The following CUX1 variants were observed in gnomAD, a reference collection of about 807,000 sequenced individuals.
CUX1 encodes protein CASP.
CUX1 carries 31 observed loss-of-function variants against 158.8 expected under a neutral mutation model. That is an observed-to-expected ratio of 0.20 (90% CI 0.15 to 0.26). The LOEUF (loss-of-function observed/expected upper bound fraction) is 0.26. Ranked by LOEUF, CUX1 falls within the 10% of genes least tolerant of loss-of-function variation. The pLI is 1.00. For synonymous variants in CUX1, 879 were observed against 862.1 expected (o/e 1.02, Z -0.34); for missense variants, 1,589 against 2,014.6 (o/e 0.79, Z 4.04).
intron 3 of CUX1, among the ~76,000 whole-genome samples, chr7:102,042,140 G>A (rs572092169): frequency 6.6e-6 from 1 of 152,206 alleles, no homozygotes; most frequent in African/African-American, 2.4e-5. Flanking sequence ...AGCATCATGG[G>A]TGAAATAGGA....
intron 8 of CUX1, chr7:102,125,857 C>G (rs1310954211): frequency 6.6e-6 from 1 of 151,678 alleles, no homozygotes; most frequent in Non-Finnish European, 1.5e-5. Flanking sequence ...GAGACAAGGT[C>G]TCACTCTATC....
chr7:102,081,644 G>GT (rs1338372069), intron 4 of CUX1, among the ~76,000 whole-genome samples: 12 of 145,614 alleles, frequency 8.2e-5, no homozygotes, highest in East Asian at 3.9e-4. Flanking sequence ...TTTCTTTTTT[G>GT]TTTTTTTTGA....
chr7:102,077,139 A>C (rs1347919567), intron 4 of CUX1, among the ~76,000 whole-genome samples: 6 of 151,964 alleles, frequency 3.9e-5, no homozygotes, highest in African/African-American at 1.5e-4. Context: ...GAGAGTATAG[A>C]ATAAGGTGAA....
Position 102,170,568 on chromosome 7 carries a change from C to T in CUX1, c.828+18C>T, listed in dbSNP as rs782104371. ...CAGACGTGGTGGGTAGCCCCGGCCC[C>T]GTGGGGGACTGTCCCCGCCTGGCCT... On this transcript the variant is annotated intron_variant, in intron 10 of 23. Transcript: ENST00000292535. 1.4e-5 allele frequency: 21 copies of T among 1,545,262 alleles called. No homozygotes were observed. The highest frequency in any genetic ancestry group is 1.8e-5 in the Non-Finnish European group (21 of 1,138,078).
rs1220193868 is a variant in CUX1 at position 102,254,076 on chromosome 7, C to G, written c.*5034C>G. ...TGCCTGGTGGGCCGGCTTTGTGTGT[C>G]TCTCCTTTTGTGAGCGCAACACGGA... On this transcript the variant is annotated 3_prime_UTR_variant, in exon 24 of 24. Transcript: ENST00000292535. 9.1e-6 allele frequency: 9 copies of G among 985,488 alleles called. No individual in the cohort carries two copies. Among genetic ancestry groups the G allele is most frequent in the Non-Finnish European group, 1.1e-5 (9 of 829,974 alleles). 61.0% of individuals were successfully genotyped at this position (985,488 alleles called of 1,614,324 possible). A position where few individuals can be genotyped will look rare whatever the true frequency, so the allele number is the denominator to read the frequency against.
rs537026520 is a variant in CUX1 at position 102,028,612 on chromosome 7, C to T, written c.189+467C>T. Among the ~76,000 whole-genome samples the T allele has an allele frequency of 9.8e-5, 15 of 152,286 alleles. No homozygotes were observed. The South Asian group carries it at 1.0e-3, about 11-fold the overall frequency. On this transcript the variant is annotated intron_variant, in intron 3 of 23. Coordinates refer to ENST00000292535, the MANE Select transcript of CUX1 (RefSeq NM_181552.4). ...AACACAGAGCATCTAGCAGAAGCCA[C>T]GAGGAGCAAGCCTAGGCTCAGTAGA...
intron 3 of CUX1, among the ~76,000 whole-genome samples, chr7:102,032,359 C>G (rs1001611017): frequency 6.6e-6 from 1 of 151,882 alleles, no homozygotes; most frequent in African/African-American, 2.4e-5. Context: ...CCCAGGAGAT[C>G]GAGACCAGCC....
At chr7:101,914,293 G>A (rs528367463) in intron 1 of CUX1, among the ~76,000 whole-genome samples, 15 of 151,496 alleles carry the variant, frequency 9.9e-5, no homozygotes, top group African/African-American at 2.2e-4. Context: ...TTTTATTGTC[G>A]TTGTTGTTTT....
chr7:102,071,659 T>C (rs745803287), intron 4 of CUX1, among the ~76,000 whole-genome samples: 6 of 152,196 alleles, frequency 3.9e-5, no homozygotes, highest in Non-Finnish European at 8.8e-5. Context: ...TCAGGTCTCC[T>C]TTGTACCTGT....
chr7:102,196,701 T>C lies in CUX1; in HGVS notation c.1290T>C (p.Pro430=), dbSNP rs782593141. Residue 430 remains proline (P), a synonymous_variant, in exon 15 of 24, where the codon CCT becomes CCC. Transcript: ENST00000292535. ...SRRPGSLPAP[P]PSQLPRNPGE... is the part of the protein sequence containing the mutation. ...GCCCGGGATCTTTGCCGGCCCCCCC[T>C]CCTTCTCAGTTGCCCCGCAACCCGG... The C allele has an allele frequency of 1.2e-6, 2 of 1,608,148 alleles. No individual in the cohort carries two copies. The highest frequency in any genetic ancestry group is 1.7e-5 in the Admixed American group (1 of 59,354).
chr7:101,947,115 G>A (rs1402071650), intron 2 of CUX1, among the ~76,000 whole-genome samples: 3 of 152,160 alleles, frequency 2.0e-5, no homozygotes, highest in African/African-American at 2.4e-5. Flanking sequence ...ATGGCCAGGC[G>A]TGGTGGCTCA....
chr7:101,917,225 A>G (rs1403324012), intron 2 of CUX1, among the ~76,000 whole-genome samples: 3 of 152,232 alleles, frequency 2.0e-5, no homozygotes, highest in East Asian at 1.9e-4. Context: ...CTGGGAAATT[A>G]TATGTGAATT....
In CUX1 at chr7:101,870,144, G is replaced by GTTT. The variant is rs112866816; in HGVS notation, c.31-45965_31-45963dup. 6.6e-4 allele frequency among the ~76,000 whole-genome samples: 73 copies of GTTT among 111,206 alleles called. 4 individuals carry two copies. The highest frequency in any genetic ancestry group is 1.7e-3 in the African/African-American group (47 of 26,878). The allele number at this position is 111,206 out of a possible 152,430, so 73.0% of individuals were successfully genotyped here. ...GGCCATGCAGGCCCTGATGTTTAGT[G>GTTT]TTTTTTTTGTTTTTTTTTTTTTTTT... On this transcript the variant is annotated intron_variant, in intron 1 of 23. Coordinates refer to ENST00000292535, the MANE Select transcript of CUX1 (RefSeq NM_181552.4).
rs782816778 is a variant in CUX1, at chr7:102,115,254, G to A, written c.655G>A (p.Asp219Asn). 7.5e-6 allele frequency: 12 copies of A among 1,610,100 alleles called. No homozygotes were observed. Among genetic ancestry groups the A allele is most frequent in the East Asian group, 2.2e-5 (1 of 44,848 alleles). ...ATTATTTGACCTGAAAACCAAATAC[G>A]ATGAAGAAACTACTGCAAAGTAAGT... ...TELFDLKTKY[D>N]EETTAKADEI... Residue 219 changes from aspartate (D) to asparagine (N), a missense_variant, in exon 8 of 24, where the codon GAT becomes AAT. Around this residue, in one of 8 missense-constraint regions of CUX1, gnomAD observed 515 missense variants for 574.4 expected, o/e 0.90. Coordinates refer to ENST00000292535, the MANE Select transcript of CUX1 (RefSeq NM_181552.4).
chr7:101,910,222 C>T (rs553750659), intron 1 of CUX1, among the ~76,000 whole-genome samples: 17 of 152,256 alleles, frequency 1.1e-4, no homozygotes, highest in African/African-American at 3.1e-4. Flanking sequence ...TTATGACTCA[C>T]TGCAGCCTTG....
chr7:101,913,222 C>T (rs142488674), intron 1 of CUX1: 86 of 384,884 alleles, frequency 2.2e-4, no homozygotes, highest in African/African-American at 1.4e-3. Flanking sequence ...CAATCTGGGG[C>T]GGCGGCAGCT....
intron 2 of CUX1, among the ~76,000 whole-genome samples, chr7:101,993,914 A>T (rs946757073): frequency 6.6e-5 from 10 of 150,956 alleles, no homozygotes; most frequent in African/African-American, 2.4e-4. Flanking sequence ...CGCTCCTGTT[A>T]CTCTCTCTGT....
At position 101,918,078 on chromosome 7, in the gene CUX1, G is replaced by A. The variant is rs569991341; in HGVS notation, c.141+1853G>A. ...GGCAAGGCCATCCTTCAGAGGCCAC[G>A]GACAATAAATACACGAGTGTATTCA... On this transcript the variant is annotated intron_variant, in intron 2 of 23. Coordinates refer to ENST00000292535, the MANE Select transcript of CUX1 (RefSeq NM_181552.4). Among the ~76,000 whole-genome samples the A allele has an allele frequency of 1.1e-3, 169 of 152,316 alleles. 2 individuals are homozygous for A. The highest frequency in any genetic ancestry group is 2.0e-3 in the Non-Finnish European group (136 of 68,032).
intron 2 of CUX1, among the ~76,000 whole-genome samples, chr7:101,947,423 T>C (rs1808524736): frequency 6.6e-6 from 1 of 152,134 alleles, no homozygotes; most frequent in South Asian, 2.1e-4. Context: ...ACCACCTCAC[T>C]ATTCTAGGCC....
Sources: allele counts gnomAD v4.1 joint callset (sites outside exome capture counted in the v4.1 genomes callset), GRCh38; gene constraint gnomAD v4.1.1; regional missense constraint gnomAD v4.1.1; transcripts MANE v1.5; gene names NCBI Gene and HGNC (gene_info 2026-07-23, HGNC 2026-07-21).